DIS3L2: variants seen among roughly 807,000 people sequenced by gnomAD.
The protein encoded by DIS3L2 is DIS3-like exonuclease 2.
Under a neutral mutation model 97.5 loss-of-function variants are expected in DIS3L2, and 34 were observed. The ratio of observed to expected loss-of-function variants is 0.35; its 90% CI spans 0.27 to 0.46. The LOEUF is 0.46. Ranked by LOEUF, DIS3L2 falls within the 20% of genes least tolerant of loss-of-function variation. The pLI is 1.00. For synonymous variants in DIS3L2, 435 were observed against 445.2 expected, an observed-to-expected ratio of 0.98 and a Z score of 0.29; for missense variants, 1,038 against 1,146.0, an observed-to-expected ratio of 0.91 and a Z score of 1.36.
chr2:232,208,908 C>T (rs1382901218), intron 9 of DIS3L2, among the ~76,000 whole-genome samples: 2 of 151,944 alleles, frequency 1.3e-5, no homozygotes, highest in African/African-American at 2.4e-5. Flanking sequence ...TGCACCTATA[C>T]TGTCAGCTGC....
At chr2:232,156,613 C>G (rs986636979) in intron 8 of DIS3L2, among the ~76,000 whole-genome samples, 1 of 151,888 alleles carries the variant, frequency 6.6e-6, no homozygotes, top group African/African-American at 2.4e-5. Context: ...TTATAAAATG[C>G]TTTTTGTCTA....
At chr2:232,041,176 A>G (rs569822575) in intron 5 of DIS3L2, among the ~76,000 whole-genome samples, 1 of 152,314 alleles carries the variant, frequency 6.6e-6, no homozygotes, top group African/African-American at 2.4e-5. Flanking sequence ...GAACCTTAAC[A>G]AATACTTGCC....
intron 8 of DIS3L2, among the ~76,000 whole-genome samples, chr2:232,141,795 T>G (rs766124491): frequency 1.7e-4 from 26 of 152,224 alleles, no homozygotes; most frequent in Non-Finnish European, 3.1e-4. Flanking sequence ...GCAATATTTA[T>G]TGACCCATGG....
chr2:232,161,107 G>A (rs1202011170), intron 8 of DIS3L2, among the ~76,000 whole-genome samples: 9 of 152,048 alleles, frequency 5.9e-5, no homozygotes, highest in African/African-American at 1.2e-4. Context: ...TAGTGGAGAC[G>A]GGGTTTCACC....
At chr2:232,176,337 C>T (rs1295990115) in intron 9 of DIS3L2, among the ~76,000 whole-genome samples, 5 of 152,156 alleles carry the variant, frequency 3.3e-5, no homozygotes, top group Non-Finnish European at 7.3e-5. Flanking sequence ...ATTTGAATCT[C>T]TCCCCCTCTC....
intron 13 of DIS3L2, among the ~76,000 whole-genome samples, chr2:232,270,285 C>T (rs1384507959): frequency 6.6e-6 from 1 of 152,128 alleles, no homozygotes; most frequent in Non-Finnish European, 1.5e-5. Flanking sequence ...ATCATAATCA[C>T]CTATAGTCCC....
At chr2:232,283,787 G>A (rs1008283148) in intron 13 of DIS3L2, among the ~76,000 whole-genome samples, 11 of 152,164 alleles carry the variant, frequency 7.2e-5, no homozygotes, top group East Asian at 1.9e-4. Flanking sequence ...TAGGGATGGC[G>A]GGGGGAGCAG....
rs553729724 is a variant in DIS3L2 at position 232,311,883 on chromosome 2, G to A, written c.1739+11764G>A. On this transcript the variant is annotated intron_variant, in intron 14 of 20. Coordinates refer to ENST00000325385, the MANE Select transcript of DIS3L2 (RefSeq NM_152383.5). ...GGTTATTATAAATCTGCTTGTACAT[G>A]TCTTTTGGTGCACATATGCATGTGT... Among the ~76,000 whole-genome samples the A allele has an allele frequency of 5.3e-5, 8 of 152,272 alleles. No individual in the cohort carries two copies. The South Asian group carries it at 1.7e-3, about 32-fold the overall frequency.
At chr2:232,327,810 A>G (rs1475388056) in intron 14 of DIS3L2, among the ~76,000 whole-genome samples, 1 of 152,206 alleles carries the variant, frequency 6.6e-6, no homozygotes, top group African/African-American at 2.4e-5. Flanking sequence ...GGGCAACAGG[A>G]GAACAGTGCC....
intron 1 of DIS3L2, among the ~76,000 whole-genome samples, chr2:231,977,612 A>T (rs977823745): frequency 3.9e-5 from 6 of 152,186 alleles, no homozygotes; most frequent in Admixed American, 3.3e-4. Flanking sequence ...GGGACTTCGA[A>T]ACTTCTGGCC....
intron 5 of DIS3L2, among the ~76,000 whole-genome samples, chr2:232,079,781 C>CA (rs1267103032): frequency 6.6e-6 from 1 of 152,020 alleles, no homozygotes; most frequent in Non-Finnish European, 1.5e-5. Context: ...AATAGCCAGG[C>CA]AGAGAGCTTT....
At chr2:231,969,297 T>G (rs1191086841) in intron 1 of DIS3L2, among the ~76,000 whole-genome samples, 2 of 151,968 alleles carry the variant, frequency 1.3e-5, no homozygotes, top group Non-Finnish European at 2.9e-5. Context: ...TTAGTTCTTA[T>G]TAGTCCTAGA....
At position 232,170,599 on chromosome 2, in the gene DIS3L2, T is replaced by A. The variant is rs973661037; in HGVS notation, c.1124+6967T>A. ...AAATTGCTTGCTCTAAATTTTCCAA[T>A]TGCTTTCTCTCTTTTTTTCCCATTT... On this transcript the variant is annotated intron_variant, in intron 9 of 20. Transcript: ENST00000325385. Among the ~76,000 whole-genome samples the A allele has an allele frequency of 3.3e-5, 5 of 152,320 alleles. No individual in the cohort carries two copies. In the South Asian group the frequency reaches 6.2e-4, roughly 19 times the overall value.
intron 5 of DIS3L2, among the ~76,000 whole-genome samples, chr2:232,032,515 A>G (rs1694830443): frequency 1.3e-5 from 2 of 151,832 alleles, no homozygotes; most frequent in African/African-American, 4.8e-5. Flanking sequence ...ATTAGATCCC[A>G]TTTGTCCATT....
chr2:232,316,260 T>C (rs1302740904), intron 14 of DIS3L2, among the ~76,000 whole-genome samples: 4 of 152,196 alleles, frequency 2.6e-5, no homozygotes, highest in Non-Finnish European at 4.4e-5. Flanking sequence ...GGAGTCATTC[T>C]ACAGAGAGGA....
At chr2:232,217,658 C>T (rs761901276) in intron 10 of DIS3L2, among the ~76,000 whole-genome samples, 11 of 152,126 alleles carry the variant, frequency 7.2e-5, no homozygotes, top group Admixed American at 3.9e-4. Context: ...CTCAGGGAAA[C>T]GCTTAAGTTT....
intron 13 of DIS3L2, among the ~76,000 whole-genome samples, chr2:232,288,577 T>A (rs1694510145): frequency 6.6e-6 from 1 of 152,220 alleles, no homozygotes; most frequent in African/African-American, 2.4e-5. Context: ...GGCTCCCCGC[T>A]TGGGGTTATA....
At chr2:232,089,177 G>A (rs1237113378) in intron 6 of DIS3L2, among the ~76,000 whole-genome samples, 2 of 152,196 alleles carry the variant, frequency 1.3e-5, no homozygotes, top group African/African-American at 4.8e-5. Context: ...TTTTTTGAAA[G>A]CATGTGTCCT....
chr2:232,209,364 A>G (rs1692124612), intron 9 of DIS3L2, among the ~76,000 whole-genome samples: 1 of 152,210 alleles, frequency 6.6e-6, no homozygotes, highest in Non-Finnish European at 1.5e-5. Flanking sequence ...CAGAGGAGCA[A>G]CACCAGGGAA....
Sources: gnomAD v4.1 joint callset for allele counts (sites outside exome capture counted in the v4.1 genomes callset) on GRCh38, gnomAD v4.1.1 for gene constraint, MANE v1.5 for transcripts, NCBI Gene and HGNC (gene_info 2026-07-23, HGNC 2026-07-21) for gene names.